STPG2: variants seen among roughly 807,000 people sequenced by gnomAD.
The protein encoded by STPG2 is sperm-tail PG-rich repeat-containing protein 2.
STPG2 carries 56 observed loss-of-function variants against 54.2 expected under a neutral mutation model. The observed-to-expected ratio is 1.03, with a 90% CI of 0.83 to 1.29. The LOEUF is 1.29. Ranked by LOEUF, STPG2 falls within the 50% of genes most tolerant of loss-of-function variation. The pLI is 0.00. For missense variants in STPG2, 596 were observed against 544.9 expected (o/e 1.09, Z -0.93); for synonymous variants, 200 against 181.8 (o/e 1.10, Z -0.81).
At chr4:98,038,652 C>T (rs754162604) in intron 5 of STPG2, among the ~76,000 whole-genome samples, 2 of 151,194 alleles carry the variant, frequency 1.3e-5, no homozygotes, top group Non-Finnish European at 2.9e-5. Context: ...AAATATTTCT[C>T]AAAAAAGATA....
chr4:97,595,848 C>A (rs543815295), intron 10 of STPG2, among the ~76,000 whole-genome samples: 6 of 152,192 alleles, frequency 3.9e-5, no homozygotes, highest in African/African-American at 1.2e-4. Flanking sequence ...CACTATAAAG[C>A]AACTACACAA....
rs182195290 is a variant in STPG2 at position 98,111,191 on chromosome 4, C to A, written c.388-1886G>T. 3.9e-5 allele frequency among the ~76,000 whole-genome samples: 6 copies of A among 152,048 alleles called. No homozygotes were observed. The East Asian group carries it at 1.2e-3, about 30-fold the overall frequency. ...AGTCTCAGCTGAACCCTCTTAACATCCCCAGAACCAGAAAAGGACCTCATT... is the reference window on the plus strand; with the variant it reads ...AGTCTCAGCTGAACCCTCTTAACATACCCAGAACCAGAAAAGGACCTCATT... On this transcript the variant is annotated intron_variant, in intron 3 of 10. Coordinates refer to ENST00000295268, the MANE Select transcript of STPG2 (RefSeq NM_174952.3).
intron 10 of STPG2, among the ~76,000 whole-genome samples, chr4:97,583,924 T>C (rs1163963089): frequency 6.6e-6 from 1 of 151,848 alleles, no homozygotes; most frequent in African/African-American, 2.4e-5. Flanking sequence ...AAGACAATAG[T>C]AGTGGGGGGC....
chr4:97,457,775 A>C (rs1729565445), intron 4 of STPG2, among the ~76,000 whole-genome samples: 1 of 152,234 alleles, frequency 6.6e-6, no homozygotes, highest in East Asian at 1.9e-4. Flanking sequence ...TTGGGTTTGG[A>C]AAAGACTAAA....
intron 9 of STPG2, among the ~76,000 whole-genome samples, chr4:97,738,649 C>T (rs1259015134): frequency 6.6e-6 from 1 of 152,156 alleles, no homozygotes; most frequent in Admixed American, 6.5e-5. Flanking sequence ...ATCAATTCAA[C>T]AAGAAGAGCT....
In STPG2 at chr4:97,781,440, T is replaced by G. The variant is rs1414183370; in HGVS notation, c.1204+59333A>C. ...GCTCTGAAATTGAGGCAATAATTAA[T>G]AGCCTACCAACCAAAAAAAGTCCAG... On this transcript the variant is annotated intron_variant, in intron 9 of 10. Coordinates refer to ENST00000295268, the MANE Select transcript of STPG2 (RefSeq NM_174952.3). Among the ~76,000 whole-genome samples, 5 of 152,280 alleles carry G rather than the reference T, an allele frequency of 3.3e-5. No individual in the cohort carries two copies. In the East Asian group the frequency reaches 7.7e-4, roughly 24 times the overall value.
intron 7 of STPG2, among the ~76,000 whole-genome samples, chr4:97,952,755 G>A (rs1448935427): frequency 6.6e-6 from 1 of 152,166 alleles, no homozygotes; most frequent in African/African-American, 2.4e-5. Flanking sequence ...TGCTGGTGGT[G>A]GTAGTAATGA....
At chr4:97,921,091 C>T (rs1727272) in intron 8 of STPG2, among the ~76,000 whole-genome samples, 9 of 152,076 alleles carry the variant, frequency 5.9e-5, no homozygotes, top group Non-Finnish European at 1.2e-4. Flanking sequence ...TAGAAAGTAC[C>T]GGTTTACATT....
intron 8 of STPG2, among the ~76,000 whole-genome samples, chr4:97,912,975 A>T (rs1731738261): frequency 2.0e-5 from 3 of 152,254 alleles, no homozygotes; most frequent in Non-Finnish European, 4.4e-5. Context: ...TAAAGCTTAG[A>T]AGGACCTGAT....
intron 5 of STPG2, among the ~76,000 whole-genome samples, chr4:97,997,700 C>T (rs1735287762): frequency 6.6e-6 from 1 of 152,134 alleles, no homozygotes; most frequent in Non-Finnish European, 1.5e-5. Flanking sequence ...AAGATCATGT[C>T]CTCTGCAGCA....
At chr4:97,784,527 G>T (rs193076295) in intron 9 of STPG2, among the ~76,000 whole-genome samples, 2 of 151,760 alleles carry the variant, frequency 1.3e-5, no homozygotes. Flanking sequence ...ACTTTCCTTC[G>T]TCATTTCTGA....
At chr4:98,086,066 G>C (rs1578842169) in intron 5 of STPG2, among the ~76,000 whole-genome samples, 2 of 152,072 alleles carry the variant, frequency 1.3e-5, no homozygotes, top group East Asian at 3.9e-4. Context: ...TATCAGTGGA[G>C]TACAATCCAA....
intron 5 of STPG2, among the ~76,000 whole-genome samples, chr4:98,022,655 CAAT>C (rs2149292719): frequency 6.6e-6 from 1 of 152,250 alleles, no homozygotes; most frequent in African/African-American, 2.4e-5. Flanking sequence ...TCAGGTACAT[CAAT>C]CAGACGTAGA....
At chr4:97,514,675 G>T (rs879272337) in intron 4 of STPG2, among the ~76,000 whole-genome samples, 2 of 152,032 alleles carry the variant, frequency 1.3e-5, no homozygotes, top group Non-Finnish European at 2.9e-5. Context: ...AATGCTAGCT[G>T]TAGATGTTTA....
intron 5 of STPG2, chr4:98,025,839 G>A: frequency 6.3e-7 from 1 of 1,596,946 alleles, no homozygotes; most frequent in Non-Finnish European, 8.5e-7. Flanking sequence ...GGCCTTGCCA[G>A]AACTACCACT....
intron 7 of STPG2, among the ~76,000 whole-genome samples, chr4:97,951,308 A>T (rs1251351886): frequency 6.6e-6 from 1 of 152,154 alleles, no homozygotes; most frequent in Non-Finnish European, 1.5e-5. Context: ...CCCTGTCTTG[A>T]TAAATTGGCT....
At chr4:97,895,080 G>A (rs1730908153) in intron 8 of STPG2, among the ~76,000 whole-genome samples, 1 of 151,702 alleles carries the variant, frequency 6.6e-6, no homozygotes, top group Admixed American at 6.6e-5. Context: ...ATAATTGTGG[G>A]CTCAAGGTAT....
chr4:97,785,235 A>T (rs1057069339), intron 9 of STPG2, among the ~76,000 whole-genome samples: 9 of 152,016 alleles, frequency 5.9e-5, no homozygotes, highest in Non-Finnish European at 1.3e-4. Context: ...ATATTTAAAA[A>T]CTGTTCACCT....
chr4:97,863,377 C>A (rs1560560659), intron 8 of STPG2, among the ~76,000 whole-genome samples: 1 of 152,146 alleles, frequency 6.6e-6, no homozygotes, highest in Non-Finnish European at 1.5e-5. Context: ...GACACATACA[C>A]CCTCCCAAGA....
Sources: allele counts gnomAD v4.1 joint callset (sites outside exome capture counted in the v4.1 genomes callset), GRCh38; gene constraint gnomAD v4.1.1; transcripts MANE v1.5; gene names NCBI Gene and HGNC (gene_info 2026-07-23, HGNC 2026-07-21).